The following WASHC5 variants were observed in gnomAD, a reference collection of about 807,000 sequenced individuals.
The protein encoded by WASHC5 is WASH complex subunit 5.
A neutral mutation model predicts 150.4 loss-of-function variants in WASHC5; 101 were observed. That is an observed-to-expected ratio of 0.67 (90% CI 0.57 to 0.79). The LOEUF (loss-of-function observed/expected upper bound fraction) is 0.79. Ranked by LOEUF, WASHC5 falls within the 30% of genes least tolerant of loss-of-function variation. The probability of loss-of-function intolerance (pLI) is 0.00; values close to 1 mark genes in which losing one functional copy is unlikely to be tolerated. For synonymous variants in WASHC5, 467 were observed against 491.2 expected (o/e 0.95, Z 0.65); for missense variants, 1,195 against 1,396.3 (o/e 0.86, Z 2.30).
At chr8:125,025,014 A>G (rs1383995153) in intron 28 of WASHC5, among the ~76,000 whole-genome samples, 1 of 152,062 alleles carries the variant, frequency 6.6e-6, no homozygotes, top group East Asian at 1.9e-4. Flanking sequence ...TCATTAACTG[A>G]TGACCAACAA....
At chr8:125,055,518 A>G (rs1816378941) in intron 17 of WASHC5, 73 bp downstream of exon 17, 2 of 876,898 alleles carry the variant, frequency 2.3e-6, no homozygotes, top group Non-Finnish European at 3.9e-6. Flanking sequence ...TTTTGCACAC[A>G]TGATAATTAC....
chr8:125,044,797 C>T (rs2130024472), intron 20 of WASHC5, 99 bp from the exon 21 acceptor site: 1 of 1,183,298 alleles, frequency 8.5e-7, no homozygotes, highest in East Asian at 2.3e-5. Context: ...ATATGAAGAA[C>T]AGGAGTTACA....
At chr8:125,043,087 A>G (rs897558077) in intron 23 of WASHC5, among the ~76,000 whole-genome samples, 18 of 152,218 alleles carry the variant, frequency 1.2e-4, no homozygotes, top group African/African-American at 4.3e-4. Flanking sequence ...TCCCTGCTAG[A>G]TTGTGAGTTA....
chr8:125,083,138 G>T lies in WASHC5; in HGVS notation c.307C>A (p.His103Asn). The change falls in exon 3 of 29, where the codon CAT becomes AAT. Residue 103 changes from histidine (H) to asparagine (N), a missense_variant. This residue lies in a region of WASHC5 where 195 missense variants were observed against 206.9 expected (regional missense o/e 0.94). Transcript: ENST00000318410. ...CTGTTTAAGTCTACAATATATTTAT[G>T]TACACTTTGAAATGCTAAATAAAAT... ...TRFYLAFQSV[H>N]KYIVDLNRYL... 1.3e-6 allele frequency: 2 copies of T among 1,553,152 alleles called. No homozygotes were observed. Among genetic ancestry groups the T allele is most frequent in the Middle Eastern group, 3.4e-4 (2 of 5,948 alleles).
At chr8:125,082,625 C>T (rs575589289) in intron 3 of WASHC5, among the ~76,000 whole-genome samples, 158 bp from the exon 4 acceptor site, 4 of 152,268 alleles carry the variant, frequency 2.6e-5, no homozygotes, top group African/African-American at 9.6e-5. Context: ...GTCTTATAAA[C>T]TGATTTAGGG....
rs144507279 is a variant in WASHC5, at chr8:125,047,289, T to C, written c.2422A>G (p.Ile808Val). The C allele has an allele frequency of 3.4e-4, 549 of 1,613,872 alleles. No homozygotes were observed. Among genetic ancestry groups the C allele is most frequent in the Non-Finnish European group, 4.3e-4 (507 of 1,179,892 alleles). Reference sequence around the variant, plus strand: ...TCATCCACAGGGGTAAACTTGGGTATTGGAATATGAGTGGACTGGTACATG... The same window carrying C: ...TCATCCACAGGGGTAAACTTGGGTACTGGAATATGAGTGGACTGGTACATG... ...QSMYQSTHIPIPKFTPVDESV... is the reference protein window; with the variant it reads ...QSMYQSTHIPVPKFTPVDESV... The change falls in exon 20 of 29, where the codon ATA (isoleucine) becomes GTA (valine). Residue 808 changes from isoleucine (I) to valine (V), a missense_variant. Coordinates refer to ENST00000318410, the MANE Select transcript of WASHC5 (RefSeq NM_014846.4).
intron 24 of WASHC5, among the ~76,000 whole-genome samples, 178 bp downstream of exon 24, chr8:125,039,617 G>A (rs1815825931): frequency 6.6e-6 from 1 of 152,038 alleles, no homozygotes; most frequent in African/African-American, 2.4e-5. Context: ...ATAAACGGAG[G>A]GACAATACTG....
At chr8:125,067,052 T>C (rs1816761598) in intron 10 of WASHC5, among the ~76,000 whole-genome samples, 1 of 152,214 alleles carries the variant, frequency 6.6e-6, no homozygotes, top group South Asian at 2.1e-4. Context: ...TGTCACTCTG[T>C]TGCCTAGGCT....
intron 18 of WASHC5, among the ~76,000 whole-genome samples, chr8:125,050,002 C>A (rs1816192342): frequency 6.6e-6 from 1 of 150,504 alleles, no homozygotes; most frequent in African/African-American, 2.5e-5. Context: ...GGGAAGGAAG[C>A]CTCATATAAA....
intron 17 of WASHC5, among the ~76,000 whole-genome samples, chr8:125,053,760 T>C (rs551267394): frequency 2.0e-5 from 3 of 152,216 alleles, no homozygotes; most frequent in South Asian, 2.1e-4. Flanking sequence ...GTCAGATATA[T>C]AGAAAAATAA....
Position 125,037,755 on chromosome 8 carries a change from G to A in WASHC5, c.3085-422C>T, listed in dbSNP as rs914419258. The stretch of plus-strand genomic sequence containing the variant: ...GGGAAGAAGGAGAGGAGGAGGGAGA[G>A]TGAAGGGAAAAGATCCATGTAGCAG... On this transcript the variant is annotated intron_variant, in intron 25 of 28. Transcript: ENST00000318410. Among the ~76,000 whole-genome samples, 7 of 151,854 alleles carry A rather than the reference G, an allele frequency of 4.6e-5. No individual in the cohort carries two copies. In the East Asian group the frequency reaches 1.2e-3, roughly 25 times the overall value.
chr8:125,072,354 G>GC (rs1314262522), intron 9 of WASHC5, among the ~76,000 whole-genome samples: 47 of 58,666 alleles, frequency 8.0e-4, no homozygotes, highest in African/African-American at 4.6e-3. Flanking sequence ...AAAAAAAGTG[G>GC]GGGGGGGGGG....
At chr8:125,082,507 A>G (rs1167738980) in intron 3 of WASHC5, 40 bp from the exon 4 acceptor site, 2 of 1,125,102 alleles carry the variant, frequency 1.8e-6, no homozygotes, top group Non-Finnish European at 2.7e-6. Context: ...AATTTATAAT[A>G]GAAACTTTAA....
At chr8:125,059,669 A>G (rs1191328189) in intron 12 of WASHC5, 127 bp from the exon 13 acceptor site, 5 of 728,708 alleles carry the variant, frequency 6.9e-6, no homozygotes, top group Non-Finnish European at 1.1e-5. Context: ...TTTATTTCAA[A>G]TTATAAATTT....
At chr8:125,053,186 A>G (rs1270729244) in intron 17 of WASHC5, among the ~76,000 whole-genome samples, 1 of 151,918 alleles carries the variant, frequency 6.6e-6, no homozygotes, top group African/African-American at 2.4e-5. Context: ...ATATCAACCA[A>G]ACTGAACCTA....
At chr8:125,070,643 TGTA>T (rs1279263693) in intron 9 of WASHC5, among the ~76,000 whole-genome samples, 2 of 152,186 alleles carry the variant, frequency 1.3e-5, no homozygotes, top group African/African-American at 4.8e-5. Flanking sequence ...GCTGAGTCAA[TGTA>T]GTAAAATCCT....
chr8:125,072,390 T>G (rs1366137932), intron 9 of WASHC5, among the ~76,000 whole-genome samples: 2 of 151,228 alleles, frequency 1.3e-5, no homozygotes, highest in Non-Finnish European at 3.0e-5. Flanking sequence ...TTATTCTTTT[T>G]TGAGACGTGG....
intron 6 of WASHC5, among the ~76,000 whole-genome samples, chr8:125,077,405 A>G (rs1351312830): frequency 6.6e-6 from 1 of 152,198 alleles, no homozygotes; most frequent in Non-Finnish European, 1.5e-5. Flanking sequence ...ATAAACTCCA[A>G]TCCAGAAACT....
At chr8:125,040,480 T>G (rs1009447609) in intron 23 of WASHC5, among the ~76,000 whole-genome samples, 12 of 152,172 alleles carry the variant, frequency 7.9e-5, no homozygotes, top group Non-Finnish European at 1.2e-4. Flanking sequence ...TTAATTTTTT[T>G]TGTGTGTCTG....
Sources: gnomAD v4.1 joint callset for allele counts (sites outside exome capture counted in the v4.1 genomes callset) on GRCh38, gnomAD v4.1.1 for gene constraint, gnomAD v4.1.1 regional missense constraint, MANE v1.5 for transcripts, NCBI Gene and HGNC (gene_info 2026-07-23, HGNC 2026-07-21) for gene names.